XKR9: variants seen among roughly 807,000 people sequenced by gnomAD.
XKR9 encodes XK related 9.
A neutral mutation model predicts 32.0 loss-of-function variants in XKR9; 32 were observed. The observed-to-expected ratio is 1.00, with a 90% CI of 0.76 to 1.34. The LOEUF (loss-of-function observed/expected upper bound fraction) is 1.34. XKR9 is among the 40% of genes most tolerant of loss of function. The pLI is 0.00. For missense variants in XKR9, 546 were observed against 429.7 expected (o/e 1.27, Z -2.39); for synonymous variants, 168 against 143.4 (o/e 1.17, Z -1.22).
chr8:70,688,743 A>G (rs1819404574), intron 3 of XKR9, among the ~76,000 whole-genome samples: 1 of 151,622 alleles, frequency 6.6e-6, no homozygotes, highest in Admixed American at 6.6e-5. Flanking sequence ...ATTGATTGGA[A>G]AAAAAAGGAA....
At chr8:70,707,186 A>T in intron 4 of XKR9, 33 bp downstream of exon 4, 1 of 1,562,294 alleles carries the variant, frequency 6.4e-7, no homozygotes, top group Non-Finnish European at 8.8e-7. Context: ...TGTTAAATGG[A>T]TGCCACTGAG....
the XKR9 span, among the ~76,000 whole-genome samples, chr8:70,861,862 CT>C: frequency 6.6e-6 from 1 of 152,034 alleles, no homozygotes; most frequent in African/African-American, 2.4e-5. Context: ...CTTAGATGTT[CT>C]TTTCCTTTAT....
chr8:70,741,478 A>T (rs914458981), intron 2 of XKR9, among the ~76,000 whole-genome samples: 3 of 152,202 alleles, frequency 2.0e-5, no homozygotes, highest in Admixed American at 2.0e-4. Context: ...GACACATGTA[A>T]GTGTATTCAT....
At chr8:70,887,455 C>T in the XKR9 span, among the ~76,000 whole-genome samples, 6 of 151,660 alleles carry the variant, frequency 4.0e-5, no homozygotes, top group African/African-American at 1.2e-4. Context: ...TTTCTAATTC[C>T]GTGAAGAAAC....
chr8:70,951,787 A>G, the XKR9 span, among the ~76,000 whole-genome samples: 5 of 151,802 alleles, frequency 3.3e-5, no homozygotes, highest in East Asian at 9.7e-4. Context: ...ATAAACCCCA[A>G]CTGTCAGTGC....
the XKR9 span, among the ~76,000 whole-genome samples, chr8:70,796,125 G>T: frequency 2.6e-5 from 4 of 151,470 alleles, no homozygotes; most frequent in Non-Finnish European, 5.9e-5. Flanking sequence ...AAAATTGCAT[G>T]TCACAGGGGT....
At chr8:70,700,477 G>C (rs530929984) in intron 3 of XKR9, among the ~76,000 whole-genome samples, 6 of 152,324 alleles carry the variant, frequency 3.9e-5, no homozygotes, top group African/African-American at 1.4e-4. Context: ...GGTATCAGCA[G>C]CGGTGGCTGC....
At chr8:70,780,857 T>A (rs546312135) in intron 2 of XKR9, 1 of 152,192 alleles carries the variant, frequency 6.6e-6, no homozygotes, top group South Asian at 2.1e-4. Flanking sequence ...TTTCTCCTCC[T>A]CACCAACAAT....
the XKR9 span, among the ~76,000 whole-genome samples, chr8:71,033,136 A>G: frequency 6.6e-6 from 1 of 152,142 alleles, no homozygotes; most frequent in South Asian, 2.1e-4. Flanking sequence ...AATAACCTAT[A>G]ATATAATTTC....
At chr8:70,736,015 T>C (rs1806854650), downstream of XKR9, 2 of 152,156 alleles carry the variant, frequency 1.3e-5, no homozygotes, top group Admixed American at 1.3e-4. Context: ...TATTTCTAGT[T>C]CTAGATCCCT....
At chr8:70,749,161 C>G (rs939341423) in intron 2 of XKR9, among the ~76,000 whole-genome samples, 1 of 152,244 alleles carries the variant, frequency 6.6e-6, no homozygotes, top group African/African-American at 2.4e-5. Context: ...CAGTGAAGAT[C>G]TTCTCTGCAT....
At chr8:70,831,079 TC>T in the XKR9 span, among the ~76,000 whole-genome samples, 1 of 152,256 alleles carries the variant, frequency 6.6e-6, no homozygotes, top group East Asian at 1.9e-4. Context: ...TCACCTGAGG[TC>T]AGGGGTTTGA....
chr8:71,004,888 G>A, the XKR9 span, among the ~76,000 whole-genome samples: 7 of 151,982 alleles, frequency 4.6e-5, no homozygotes, highest in East Asian at 7.7e-4. Flanking sequence ...CTGGACTGCA[G>A]TGGTGATGTG....
chr8:70,763,562 C>T (rs909059820), intron 2 of XKR9, among the ~76,000 whole-genome samples: 5 of 152,118 alleles, frequency 3.3e-5, no homozygotes, highest in Non-Finnish European at 7.4e-5. Context: ...TACATCATTT[C>T]CATAAACAAT....
the XKR9 span, among the ~76,000 whole-genome samples, chr8:70,993,555 C>A: frequency 1.3e-5 from 2 of 152,016 alleles, no homozygotes; most frequent in Admixed American, 1.3e-4. Flanking sequence ...GCATCACTAC[C>A]ATCCTTACTC....
the XKR9 span, among the ~76,000 whole-genome samples, chr8:70,798,402 G>T: frequency 8.9e-5 from 12 of 134,836 alleles, no homozygotes; most frequent in Admixed American, 7.2e-4. Flanking sequence ...TAATGAGGTA[G>T]TTTGGTTTTT....
intron 2 of XKR9, among the ~76,000 whole-genome samples, chr8:70,774,826 C>A (rs1807498006): frequency 6.6e-6 from 1 of 152,128 alleles, no homozygotes; most frequent in Admixed American, 6.5e-5. Flanking sequence ...GCAAGCCCTG[C>A]AACTTTGTTC....
chr8:70,883,913 T>G, the XKR9 span, among the ~76,000 whole-genome samples: 1 of 152,118 alleles, frequency 6.6e-6, no homozygotes, highest in Admixed American at 6.6e-5. Context: ...GGAGTGTGAT[T>G]GCTCAATTAT....
At chr8:70,996,102 A>G in the XKR9 span, among the ~76,000 whole-genome samples, 1 of 152,236 alleles carries the variant, frequency 6.6e-6, no homozygotes, top group Non-Finnish European at 1.5e-5. Context: ...GGCCCTGTAA[A>G]TTAGACTAAC....
Sources: allele counts gnomAD v4.1 joint callset (sites outside exome capture counted in the v4.1 genomes callset), GRCh38; gene constraint gnomAD v4.1.1; transcripts MANE v1.5; gene names NCBI Gene and HGNC (gene_info 2026-07-23, HGNC 2026-07-21).